KLHL1: variants seen among roughly 807,000 people sequenced by gnomAD.
KLHL1 encodes the protein kelch like family member 1.
A neutral mutation model predicts 77.7 loss-of-function variants in KLHL1; 47 were observed. The observed-to-expected ratio is 0.60, with a 90% confidence interval of 0.48 to 0.77. KLHL1 has a LOEUF of 0.77. Ranked by LOEUF, KLHL1 falls within the 30% of genes least tolerant of loss-of-function variation. The pLI, the probability that KLHL1 is intolerant of heterozygous loss-of-function variation, is 0.00. For missense variants in KLHL1, 925 were observed against 910.8 expected (o/e 1.02, Z -0.20); for synonymous variants, 360 against 325.2 (o/e 1.11, Z -1.15).
chr13:70,102,167 C>T (rs1887937273), intron 1 of KLHL1, among the ~76,000 whole-genome samples: 1 of 152,074 alleles, frequency 6.6e-6, no homozygotes, highest in Non-Finnish European at 1.5e-5. Context: ...TAAACAAGTG[C>T]CTGGTACATG....
At chr13:69,802,258 G>A (rs1194308099) in intron 6 of KLHL1, among the ~76,000 whole-genome samples, 1 of 152,022 alleles carries the variant, frequency 6.6e-6, no homozygotes, top group Non-Finnish European at 1.5e-5. Flanking sequence ...TCTTTATCCA[G>A]TCTATCATTG....
At chr13:70,001,422 C>A (rs1885284050) in intron 1 of KLHL1, among the ~76,000 whole-genome samples, 1 of 151,006 alleles carries the variant, frequency 6.6e-6, no homozygotes, top group Non-Finnish European at 1.5e-5. Context: ...TCAATTTCAA[C>A]AACAAAAGAC....
intron 1 of KLHL1, among the ~76,000 whole-genome samples, chr13:70,019,238 C>T (rs539846726): frequency 1.2e-3 from 187 of 152,128 alleles, no homozygotes; most frequent in Non-Finnish European, 2.5e-3. Context: ...AAGAAGAGAA[C>T]AAATGGAAAC....
chr13:70,093,115 T>C (rs1431399264), intron 1 of KLHL1, among the ~76,000 whole-genome samples: 1 of 152,178 alleles, frequency 6.6e-6, no homozygotes, highest in Non-Finnish European at 1.5e-5. Flanking sequence ...AAATAAGCTA[T>C]ATGATGCGCT....
chr13:69,729,187 T>TG, intron 8 of KLHL1, among the ~76,000 whole-genome samples: 1 of 152,238 alleles, frequency 6.6e-6, no homozygotes, highest in South Asian at 2.1e-4. Flanking sequence ...TTTGTGTGTG[T>TG]TTTCTTTATT....
At chr13:70,026,199 G>C (rs1373884649) in intron 1 of KLHL1, among the ~76,000 whole-genome samples, 1 of 152,064 alleles carries the variant, frequency 6.6e-6, no homozygotes, top group Non-Finnish European at 1.5e-5. Flanking sequence ...GCTCCACACA[G>C]AAATTTAAAA....
At chr13:70,023,566 A>C (rs1442393381) in intron 1 of KLHL1, among the ~76,000 whole-genome samples, 1 of 151,960 alleles carries the variant, frequency 6.6e-6, no homozygotes, top group Non-Finnish European at 1.5e-5. Flanking sequence ...AGGAACCAGC[A>C]AGTTCACAAA....
At chr13:70,015,609 C>T (rs1444058139) in intron 1 of KLHL1, among the ~76,000 whole-genome samples, 1 of 152,096 alleles carries the variant, frequency 6.6e-6, no homozygotes, top group African/African-American at 2.4e-5. Context: ...CAATAAATTA[C>T]ATGAGATGTT....
At chr13:69,791,216 A>C (rs1277213538) in intron 7 of KLHL1, among the ~76,000 whole-genome samples, 1 of 152,140 alleles carries the variant, frequency 6.6e-6, no homozygotes, top group Admixed American at 6.6e-5. Context: ...TGAAGAAAAC[A>C]ATCACATTGA....
intron 1 of KLHL1, among the ~76,000 whole-genome samples, chr13:69,980,147 A>G (rs777272838): frequency 2.6e-5 from 4 of 152,196 alleles, no homozygotes; most frequent in African/African-American, 4.8e-5. Flanking sequence ...CTCTGTACCA[A>G]ATGATTCTCA....
At chr13:69,978,272 T>C (rs4519225) in intron 1 of KLHL1, among the ~76,000 whole-genome samples, 50,498 of 150,940 alleles carry the variant, frequency 0.33, 9,116 homozygotes, top group African/African-American at 0.47. Flanking sequence ...TCAGGATTTG[T>C]AGGCTGCCAA....
At chr13:69,880,182 C>A (rs1296348099) in intron 5 of KLHL1, among the ~76,000 whole-genome samples, 1 of 152,146 alleles carries the variant, frequency 6.6e-6, no homozygotes, top group Admixed American at 6.5e-5. Flanking sequence ...CACTTAACCT[C>A]TTTGAGCCTA....
chr13:70,031,121 A>G (rs1201067395), intron 1 of KLHL1, among the ~76,000 whole-genome samples: 6 of 152,034 alleles, frequency 3.9e-5, no homozygotes, highest in Admixed American at 6.6e-5. Context: ...CAACCAAAAA[A>G]AAACCCAGAT....
At chr13:69,758,256 A>G (rs1158012196) in intron 7 of KLHL1, among the ~76,000 whole-genome samples, 2 of 152,106 alleles carry the variant, frequency 1.3e-5, no homozygotes, top group African/African-American at 2.4e-5. Context: ...TTACTTTTAT[A>G]TTAGTGTATT....
In KLHL1 at chr13:70,093,761, C is replaced by G. The variant is rs758463493; in HGVS notation, c.497+13442G>C. Among the ~76,000 whole-genome samples the G allele has an allele frequency of 7.2e-5, 11 of 152,130 alleles. No individual in the cohort carries two copies. The South Asian group carries it at 1.0e-3, about 14-fold the overall frequency. The stretch of plus-strand genomic sequence containing the variant: ...ACTACATCATATGTAAAGACCTGTG[C>G]CACAGATGGATAGCTCATCTCCAGG... On this transcript the variant is annotated intron_variant, in intron 1 of 10. Transcript: ENST00000377844.
At chr13:69,717,761 CA>C (rs1566356448) in intron 9 of KLHL1, among the ~76,000 whole-genome samples, 1 of 33,696 alleles carries the variant, frequency 3.0e-5, no homozygotes, top group Admixed American at 5.1e-4. Flanking sequence ...AGTCTATTAG[CA>C]GCATTTTTAA....
rs962506959 is a variant in KLHL1, at chr13:69,968,494, TA to T, written c.681-7051del. 4.7e-5 allele frequency among the ~76,000 whole-genome samples: 7 copies of T among 148,698 alleles called. No homozygotes were observed. In the East Asian group the frequency reaches 9.8e-4, roughly 21 times the overall value. ...TGCCTGTACAGAAAGGGAGAAGACTTAAAAAAAAATCAAACCTATGAAATTG... is the reference window on the plus strand; with the variant it reads ...TGCCTGTACAGAAAGGGAGAAGACTTAAAAAAAATCAAACCTATGAAATTG... On this transcript the variant is annotated intron_variant, in intron 2 of 10. Coordinates refer to ENST00000377844, the MANE Select transcript of KLHL1 (RefSeq NM_020866.3).
intron 6 of KLHL1, among the ~76,000 whole-genome samples, chr13:69,809,065 G>C (rs546838114): frequency 6.6e-6 from 1 of 152,082 alleles, no homozygotes; most frequent in African/African-American, 2.4e-5. Context: ...ATGGGATCAT[G>C]TAAAACAACA....
intron 1 of KLHL1, among the ~76,000 whole-genome samples, chr13:70,060,379 A>G (rs1455806978): frequency 6.6e-6 from 1 of 152,206 alleles, no homozygotes; most frequent in Non-Finnish European, 1.5e-5. Flanking sequence ...ACCTAAAAGT[A>G]GAACTAGAAT....
Sources: gnomAD v4.1 joint callset for allele counts (sites outside exome capture counted in the v4.1 genomes callset) on GRCh38, gnomAD v4.1.1 for gene constraint, MANE v1.5 for transcripts, NCBI Gene and HGNC (gene_info 2026-07-23, HGNC 2026-07-21) for gene names.